The following KIF26B variants were observed in gnomAD, a reference collection of about 807,000 sequenced individuals.
The protein encoded by KIF26B is kinesin family member 26B.
A neutral mutation model predicts 151.2 loss-of-function variants in KIF26B; 63 were observed. The ratio of observed to expected loss-of-function variants is 0.42; its 90% CI spans 0.34 to 0.51. The LOEUF (loss-of-function observed/expected upper bound fraction) is 0.51, where lower values mean the gene tolerates loss of function less well. Ranked by LOEUF, KIF26B falls within the 20% of genes least tolerant of loss-of-function variation. The pLI is 0.07. For missense variants in KIF26B, 2,813 were observed against 2,913.6 expected (o/e 0.97, Z 0.79); for synonymous variants, 1,357 against 1,262.1 (o/e 1.08, Z -1.59).
rs145716412 is a variant in KIF26B, at chr1:245,549,020, G to A, written c.1350+8070G>A. 9.0e-3 allele frequency among the ~76,000 whole-genome samples: 1,377 copies of A among 152,212 alleles called. 19 individuals are homozygous for A. Among genetic ancestry groups the A allele is most frequent in the African/African-American group, 0.032 (1,310 of 41,526 alleles). On this transcript the variant is annotated intron_variant, in intron 5 of 14. Coordinates refer to ENST00000407071, the MANE Select transcript of KIF26B (RefSeq NM_018012.4). ...GCTTCCCAAAGTGCTTGGATTACAG[G>A]TGTGAGTCACAGCGCCCTGCCCCAT...
intron 3 of KIF26B, among the ~76,000 whole-genome samples, chr1:245,392,005 C>T (rs917962070): frequency 9.9e-5 from 14 of 141,100 alleles, no homozygotes; most frequent in South Asian, 2.2e-4. Flanking sequence ...AGTTACAGAA[C>T]AAGAAGGAGA....
At chr1:245,229,874 C>T (rs1669955861) in intron 2 of KIF26B, among the ~76,000 whole-genome samples, 1 of 152,216 alleles carries the variant, frequency 6.6e-6, no homozygotes, top group Admixed American at 6.5e-5. Context: ...GTGGCTCACG[C>T]CTGTAATCCC....
chr1:245,275,168 G>A (rs1670917427), intron 2 of KIF26B, among the ~76,000 whole-genome samples: 1 of 152,044 alleles, frequency 6.6e-6, no homozygotes, highest in Non-Finnish European at 1.5e-5. Flanking sequence ...CCCACTTTTT[G>A]ATGGAGTTGT....
rs1661578904 is a variant in KIF26B at position 245,540,097 on chromosome 1, C to CT, written c.1167-668dup. Among the ~76,000 whole-genome samples, 1 of 152,184 alleles carries CT rather than the reference C, an allele frequency of 6.6e-6. No homozygotes were observed. Among genetic ancestry groups the CT allele is most frequent in the African/African-American group, 2.4e-5 (1 of 41,438 alleles). On this transcript the variant is annotated intron_variant, in intron 4 of 14. Transcript: ENST00000407071. This position sits in a 1 kb window ranked among gnomAD's most constrained non-coding sequence, Gnocchi z 4.6. ...TGTGCCCCCTTCAGTGCTTTGACCC[C>CT]TTACTCCTCGCACTTGACCATGAAT... is the stretch of plus-strand genomic sequence containing the variant.
intron 9 of KIF26B, among the ~76,000 whole-genome samples, chr1:245,638,512 C>T (rs2043857004): frequency 6.6e-6 from 1 of 151,840 alleles, no homozygotes; most frequent in South Asian, 2.1e-4. Flanking sequence ...AATTCTAGTA[C>T]TATACTGAAT....
intron 4 of KIF26B, among the ~76,000 whole-genome samples, chr1:245,438,626 C>T (rs571271716): frequency 6.6e-6 from 1 of 152,122 alleles, no homozygotes; most frequent in East Asian, 1.9e-4. Flanking sequence ...ATCAAAGCCC[C>T]CAAAATGTAA....
intron 2 of KIF26B, among the ~76,000 whole-genome samples, chr1:245,185,204 T>A (rs1668978763): frequency 6.6e-6 from 1 of 151,642 alleles, no homozygotes; most frequent in Non-Finnish European, 1.5e-5. Flanking sequence ...AGTGGTGCAA[T>A]CTTGGTTCAC....
rs2043493000 is a variant in KIF26B at position 245,609,329 on chromosome 1, C to T, written c.1715C>T (p.Ala572Val). The change falls in exon 8 of 15, where the codon GCC (alanine) becomes GTC (valine). Residue 572 changes from alanine to valine, a missense_variant. By Grantham distance (64) the Ala-to-Val change is moderately conservative. Around this residue, in one of 3 missense-constraint regions of KIF26B, gnomAD observed 77 missense variants for 136.9 expected, o/e 0.56. Transcript: ENST00000407071. Reference protein sequence around the residue: ...SMQNLGIIPCAISWLFKLINE... With the variant: ...SMQNLGIIPCVISWLFKLINE... ...CAGAACCTGGGCATCATTCCCTGTGCCATCTCTTGGCTCTTCAAGCTCATA... is the reference window on the plus strand; with the variant it reads ...CAGAACCTGGGCATCATTCCCTGTGTCATCTCTTGGCTCTTCAAGCTCATA... 3 of 1,610,940 alleles carry T rather than the reference C, an allele frequency of 1.9e-6. No homozygotes were observed. Among genetic ancestry groups the T allele is most frequent in the Middle Eastern group, 1.6e-4 (1 of 6,082 alleles).
chr1:245,622,175 CA>C (rs1572164023), intron 9 of KIF26B, among the ~76,000 whole-genome samples: 1 of 152,082 alleles, frequency 6.6e-6, no homozygotes, highest in Non-Finnish European at 1.5e-5. Context: ...TTGCAGGGTA[CA>C]AAATAGCATA....
intron 3 of KIF26B, among the ~76,000 whole-genome samples, chr1:245,416,192 A>T (rs1202880581): frequency 1.3e-5 from 2 of 149,812 alleles, no homozygotes; most frequent in Non-Finnish European, 3.0e-5. Context: ...AGGTAGGAGA[A>T]TCTCTTGAAC....
intron 10 of KIF26B, among the ~76,000 whole-genome samples, chr1:245,659,442 T>C (rs902609773): frequency 6.6e-6 from 1 of 152,160 alleles, no homozygotes; most frequent in African/African-American, 2.4e-5. Context: ...ATCCCCAATC[T>C]AAACTAGGAT....
chr1:245,622,822 G>C (rs75408074), intron 9 of KIF26B, among the ~76,000 whole-genome samples: 1,929 of 152,188 alleles, frequency 0.013, 45 homozygotes, highest in African/African-American at 0.044. Flanking sequence ...GATTGAGGCG[G>C]GGGGAAGGGA....
At chr1:245,303,776 T>C (rs1671487453) in intron 2 of KIF26B, among the ~76,000 whole-genome samples, 1 of 152,242 alleles carries the variant, frequency 6.6e-6, no homozygotes, top group Non-Finnish European at 1.5e-5. Flanking sequence ...GCACCCTAGC[T>C]GCACTGGGCC....
At chr1:245,519,692 A>G (rs10924228) in intron 4 of KIF26B, among the ~76,000 whole-genome samples, 36,288 of 152,112 alleles carry the variant, frequency 0.24, 5,246 homozygotes, top group East Asian at 0.46. Flanking sequence ...TCTAGATGGT[A>G]TAGCCTCCTA....
intron 4 of KIF26B, among the ~76,000 whole-genome samples, chr1:245,484,408 A>G (rs952984779): frequency 2.0e-5 from 3 of 151,734 alleles, no homozygotes; most frequent in East Asian, 1.9e-4. Flanking sequence ...GAGGAGTCAG[A>G]CTCACCATCT....
intron 2 of KIF26B, among the ~76,000 whole-genome samples, chr1:245,264,876 G>C (rs1312385518): frequency 2.0e-5 from 3 of 149,434 alleles, no homozygotes; most frequent in Non-Finnish European, 3.0e-5. Context: ...CTGGGGGACA[G>C]AGCGAGACTC....
At chr1:245,209,908 C>G (rs1225391756) in intron 2 of KIF26B, among the ~76,000 whole-genome samples, 1 of 152,258 alleles carries the variant, frequency 6.6e-6, no homozygotes, top group Non-Finnish European at 1.5e-5. Context: ...CATTTGCTTA[C>G]TGGAAACTAC....
intron 10 of KIF26B, among the ~76,000 whole-genome samples, chr1:245,657,355 T>C (rs1275790847): frequency 1.3e-5 from 2 of 152,204 alleles, no homozygotes; most frequent in Non-Finnish European, 2.9e-5. Flanking sequence ...TTGCAGTAGC[T>C]GCATACACAC....
At chr1:245,310,177 G>T (rs1253015891) in intron 2 of KIF26B, among the ~76,000 whole-genome samples, 1 of 146,192 alleles carries the variant, frequency 6.8e-6, no homozygotes, top group East Asian at 2.0e-4. Context: ...CTCACTATAT[G>T]TATATATATA....
Sources: allele counts gnomAD v4.1 joint callset (sites outside exome capture counted in the v4.1 genomes callset), GRCh38; gene constraint gnomAD v4.1.1; regional missense constraint gnomAD v4.1.1; non-coding constraint Gnocchi (gnomAD v3.1); transcripts MANE v1.5; gene names NCBI Gene and HGNC (gene_info 2026-07-23, HGNC 2026-07-21).